Variants in KALRN observed in about 807,000 individuals in gnomAD.
KALRN encodes kalirin RhoGEF kinase, also known as kalirin.
Under a neutral mutation model 353.7 loss-of-function variants are expected in KALRN, and 70 were observed. The observed-to-expected ratio is 0.20, with a 90% CI of 0.16 to 0.24. The LOEUF is 0.24. Among genes scored for constraint, KALRN ranks in the 10% least tolerant of loss-of-function variants. The pLI, the probability that KALRN is intolerant of heterozygous loss-of-function variation, is 1.00. For synonymous variants in KALRN, 1,391 were observed against 1,434.8 expected, an observed-to-expected ratio of 0.97 and a Z score of 0.69; for missense variants, 2,791 against 3,756.7, an observed-to-expected ratio of 0.74 and a Z score of 6.72.
chr3:124,260,447 A>G (rs1391870325), intron 3 of KALRN, among the ~76,000 whole-genome samples: 2 of 152,058 alleles, frequency 1.3e-5, no homozygotes, highest in Non-Finnish European at 2.9e-5. Flanking sequence ...CAGCTCACAC[A>G]TTTATATTCT....
intron 1 of KALRN, among the ~76,000 whole-genome samples, chr3:124,157,117 G>A (rs2069115851): frequency 6.6e-6 from 1 of 152,162 alleles, no homozygotes; most frequent in South Asian, 2.1e-4. Context: ...ACATAATATT[G>A]TGAGATTTAT....
At chr3:124,257,281 T>G (rs1411618705) in intron 3 of KALRN, among the ~76,000 whole-genome samples, 1 of 152,238 alleles carries the variant, frequency 6.6e-6, no homozygotes, top group Non-Finnish European at 1.5e-5. Context: ...AGTGCTTAAC[T>G]GTTGTCCTTG....
At chr3:124,696,554 A>T (rs2062062534) in intron 54 of KALRN, among the ~76,000 whole-genome samples, 1 of 152,172 alleles carries the variant, frequency 6.6e-6, no homozygotes, top group South Asian at 2.1e-4. Flanking sequence ...ATTTTTTAAA[A>T]AATTCAAATA....
chr3:124,235,654 G>T (rs1320247736), intron 3 of KALRN, among the ~76,000 whole-genome samples: 4 of 152,150 alleles, frequency 2.6e-5, no homozygotes, highest in Non-Finnish European at 5.9e-5. Flanking sequence ...AAGGGTCAGT[G>T]GCAGAGCTTG....
intron 3 of KALRN, among the ~76,000 whole-genome samples, chr3:124,239,850 A>T (rs2080228770): frequency 6.6e-6 from 1 of 152,040 alleles, no homozygotes; most frequent in Admixed American, 6.6e-5. Context: ...TGTTGTTGAT[A>T]CCTTACTCTT....
chr3:124,480,318 G>T (rs2108188298), intron 27 of KALRN, among the ~76,000 whole-genome samples: 1 of 152,176 alleles, frequency 6.6e-6, no homozygotes, highest in East Asian at 1.9e-4. Flanking sequence ...TGACAAAATT[G>T]CTACTTTCTG....
intron 34 of KALRN, among the ~76,000 whole-genome samples, chr3:124,570,490 CACA>C (rs2073393173): frequency 6.6e-6 from 1 of 152,102 alleles, no homozygotes; most frequent in South Asian, 2.1e-4. Flanking sequence ...CACACTAGCC[CACA>C]ACATTTTCCT....
At chr3:124,209,887 T>C (rs2076758413) in intron 1 of KALRN, among the ~76,000 whole-genome samples, 1 of 152,224 alleles carries the variant, frequency 6.6e-6, no homozygotes, top group African/African-American at 2.4e-5. Context: ...TAGTTCAAAG[T>C]ATTTCATCCT....
At chr3:124,273,217 C>T (rs1392395279) in intron 5 of KALRN, among the ~76,000 whole-genome samples, 1 of 152,212 alleles carries the variant, frequency 6.6e-6, no homozygotes, top group African/African-American at 2.4e-5. Flanking sequence ...CCCACATTCC[C>T]CATCTTGGAG....
At chr3:124,210,686 C>A (rs946415297) in intron 1 of KALRN, among the ~76,000 whole-genome samples, 3 of 152,186 alleles carry the variant, frequency 2.0e-5, no homozygotes, top group Non-Finnish European at 4.4e-5. Flanking sequence ...AGTGTTCTTT[C>A]CCCCATCAGC....
At chr3:124,147,758 G>C (rs761268697) in intron 1 of KALRN, among the ~76,000 whole-genome samples, 2 of 152,224 alleles carry the variant, frequency 1.3e-5, no homozygotes, top group Non-Finnish European at 2.9e-5. Context: ...CTGGAAGAGG[G>C]AGAGGGTGGT....
At chr3:124,456,758 G>A in intron 23 of KALRN, 30 bp downstream of exon 23, 1 of 1,511,756 alleles carries the variant, frequency 6.6e-7, no homozygotes, top group Non-Finnish European at 9.2e-7. Flanking sequence ...CAGCTAGCTG[G>A]CTCCCCGTGA....
intron 1 of KALRN, among the ~76,000 whole-genome samples, chr3:124,136,438 A>T (rs1483331199): frequency 6.6e-6 from 1 of 152,152 alleles, no homozygotes; most frequent in Non-Finnish European, 1.5e-5. Context: ...TTAGAACGAG[A>T]GGAGGCACTT....
At chr3:124,619,001 A>T (rs991573187) in intron 34 of KALRN, among the ~76,000 whole-genome samples, 4 of 152,154 alleles carry the variant, frequency 2.6e-5, no homozygotes, top group Admixed American at 2.0e-4. Flanking sequence ...ATATGACATG[A>T]TGTTATAGGA....
intron 38 of KALRN, among the ~76,000 whole-genome samples, chr3:124,652,005 T>C (rs746410879): frequency 6.6e-6 from 1 of 152,162 alleles, no homozygotes; most frequent in Non-Finnish European, 1.5e-5. Context: ...GTCTTAGACA[T>C]AGCTCAGCAT....
chr3:124,592,465 G>C (rs2669923), intron 34 of KALRN, among the ~76,000 whole-genome samples: 2 of 118,950 alleles, frequency 1.7e-5, no homozygotes, highest in Non-Finnish European at 4.1e-5. Flanking sequence ...AAAAAAAAAA[G>C]ATAGCCAATT....
rs765021406 is a variant in KALRN, at chr3:124,657,741, C to G, written c.5974C>G (p.Leu1992Val). The change falls in exon 41 of 60, where the codon CTG (leucine) becomes GTG (valine). Residue 1992 changes from leucine (L) to valine (V), a missense_variant. By Grantham distance (32) the Leu-to-Val change is conservative. Around this residue, in one of 11 missense-constraint regions of KALRN, gnomAD observed 1,065 missense variants for 1,156.4 expected, o/e 0.92. Transcript: ENST00000682506. Reference protein sequence around the residue: ...QIYDWHKDFFLAELEKCIQEQ... With the variant: ...QIYDWHKDFFVAELEKCIQEQ... ...TCCCCTTTCTCCTTTTAGTTTTTTC[C>G]TGGCGGAACTGGAAAAGTGTATCCA... The G allele has an allele frequency of 1.2e-6, 2 of 1,612,922 alleles. No individual in the cohort carries two copies. The highest frequency in any genetic ancestry group is 3.3e-5 in the Admixed American group (2 of 59,958).
chr3:124,241,326 A>G (rs2080410241), intron 3 of KALRN, among the ~76,000 whole-genome samples: 1 of 152,210 alleles, frequency 6.6e-6, no homozygotes, highest in Non-Finnish European at 1.5e-5. Context: ...GCATTTCTGA[A>G]CTATTGTGAT....
intron 51 of KALRN, among the ~76,000 whole-genome samples, chr3:124,680,279 C>G (rs1260920425): frequency 6.6e-6 from 1 of 152,228 alleles, no homozygotes; most frequent in Non-Finnish European, 1.5e-5. Context: ...GGAACCAACG[C>G]CTGTATCAAC....
Sources: allele counts gnomAD v4.1 joint callset (sites outside exome capture counted in the v4.1 genomes callset), GRCh38; gene constraint gnomAD v4.1.1; regional missense constraint gnomAD v4.1.1; transcripts MANE v1.5; gene names NCBI Gene and HGNC (gene_info 2026-07-23, HGNC 2026-07-21).